Variants in PDE1C observed in about 807,000 individuals in gnomAD.
PDE1C encodes the protein dual specificity calcium/calmodulin-dependent 3',5'-cyclic nucleotide phosphodiesterase 1C.
A neutral mutation model predicts 93.1 loss-of-function variants in PDE1C; 62 were observed. The observed-to-expected ratio is 0.67, with a 90% confidence interval of 0.54 to 0.82. The LOEUF (loss-of-function observed/expected upper bound fraction) is 0.82. Among genes scored for constraint, PDE1C ranks in the 40% least tolerant of loss-of-function variants. The pLI, the probability that PDE1C is intolerant of heterozygous loss-of-function variation, is 0.00. For missense variants in PDE1C, 742 were observed against 884.6 expected, an observed-to-expected ratio of 0.84 and a Z score of 2.04; for synonymous variants, 325 against 310.1, an observed-to-expected ratio of 1.05 and a Z score of -0.50.
intron 1 of PDE1C, among the ~76,000 whole-genome samples, chr7:32,307,949 T>C (rs1454638080): frequency 6.6e-6 from 1 of 152,212 alleles, no homozygotes; most frequent in African/African-American, 2.4e-5. Context: ...ACTTGGGAAG[T>C]GCAAGGGGTC....
rs376162871 is a variant in PDE1C at position 32,374,249 on chromosome 7, AG to A, written c.310+53572del. Among the ~76,000 whole-genome samples the A allele has an allele frequency of 2.7e-3, 375 of 136,728 alleles. 1 individual carries two copies. Among genetic ancestry groups the A allele is most frequent in the African/African-American group, 9.7e-3 (355 of 36,578 alleles). 89.7% of individuals were successfully genotyped at this position (136,728 alleles called of 152,430 possible). Reference sequence around the variant, plus strand: ...GAAAGAAAAAGAAAGAAGGAAGGAAAGGAAAGGAAGAAAGAAAGAAAGAAAG... The same window carrying A: ...GAAAGAAAAAGAAAGAAGGAAGGAAAGAAAGGAAGAAAGAAAGAAAGAAAG... On this transcript the variant is annotated intron_variant, in intron 1 of 1. Coordinates refer to the PDE1C transcript ENST00000672256.
intron 16 of PDE1C, among the ~76,000 whole-genome samples, chr7:31,807,503 A>C (rs535515516): frequency 6.6e-6 from 1 of 152,120 alleles, no homozygotes; most frequent in African/African-American, 2.4e-5. Flanking sequence ...GATAAAATAT[A>C]ATCCACAATG....
intron 2 of PDE1C, among the ~76,000 whole-genome samples, chr7:31,932,697 C>T (rs1804485008): frequency 6.6e-6 from 1 of 152,128 alleles, no homozygotes; most frequent in Non-Finnish European, 1.5e-5. Flanking sequence ...CCATTTGATC[C>T]AGCAATCCCA....
At chr7:32,086,789 A>T (rs1425862908) in intron 3 of PDE1C, among the ~76,000 whole-genome samples, 2 of 152,218 alleles carry the variant, frequency 1.3e-5, no homozygotes, top group Non-Finnish European at 2.9e-5. Flanking sequence ...TGCTGGGAAA[A>T]CTGGCTAGCC....
chr7:32,281,330 T>C (rs2128892326), intron 1 of PDE1C, among the ~76,000 whole-genome samples: 1 of 152,346 alleles, frequency 6.6e-6, no homozygotes, highest in African/African-American at 2.4e-5. Context: ...AAATGCCTAT[T>C]TGCAAACTGT....
At chr7:32,196,812 G>A (rs1312625263) in intron 2 of PDE1C, among the ~76,000 whole-genome samples, 1 of 152,166 alleles carries the variant, frequency 6.6e-6, no homozygotes, top group Non-Finnish European at 1.5e-5. Flanking sequence ...AAAGTAGAAT[G>A]ATCTGAATAA....
intron 3 of PDE1C, 52 bp from the exon 4 acceptor site, chr7:31,879,230 C>T (rs757965814): frequency 1.3e-6 from 2 of 1,553,190 alleles, no homozygotes; most frequent in Non-Finnish European, 1.8e-6. Context: ...GAAGTTGGAG[C>T]TCTCTGTTCA....
intron 1 of PDE1C, among the ~76,000 whole-genome samples, chr7:32,425,646 T>C (rs1331411937): frequency 6.6e-6 from 1 of 152,110 alleles, no homozygotes; most frequent in East Asian, 1.9e-4. Flanking sequence ...TATCCAAATC[T>C]CCTGCCCAAA....
chr7:31,627,460 C>G, the PDE1C span, among the ~76,000 whole-genome samples: 2 of 152,008 alleles, frequency 1.3e-5, no homozygotes, highest in South Asian at 4.1e-4. Context: ...GAGTTCAAGA[C>G]CAGCCTGGGC....
intron 2 of PDE1C, among the ~76,000 whole-genome samples, chr7:32,024,997 A>G (rs1363974715): frequency 6.6e-6 from 1 of 152,126 alleles, no homozygotes; most frequent in Non-Finnish European, 1.5e-5. Flanking sequence ...GGGGCTTAAA[A>G]TGGAACACTC....
rs1794019465 is a variant in PDE1C, at chr7:32,055,933, T to A, written c.102-4353A>T. On this transcript the variant is annotated intron_variant, in intron 1 of 17. Coordinates refer to ENST00000396191, the MANE Select transcript of PDE1C (RefSeq NM_001191057.4). ...TGGGGTTTCACCATGTTGGCCAGGC[T>A]GGTCTGGAACTCCTGACCTCAAGTG... Among the ~76,000 whole-genome samples the A allele has an allele frequency of 3.9e-5, 6 of 152,340 alleles. No individual in the cohort carries two copies. The South Asian group carries it at 1.2e-3, about 32-fold the overall frequency.
At chr7:31,793,855 T>A (rs971888725) in intron 16 of PDE1C, among the ~76,000 whole-genome samples, 2 of 151,900 alleles carry the variant, frequency 1.3e-5, no homozygotes, top group African/African-American at 4.8e-5. Context: ...GAGCATATTA[T>A]TATAATAGGA....
chr7:31,668,069 C>T, the PDE1C span, among the ~76,000 whole-genome samples: 1 of 152,002 alleles, frequency 6.6e-6, no homozygotes, highest in African/African-American at 2.4e-5. Context: ...ATTATCCCTG[C>T]TCAGTAAATC....
intron 3 of PDE1C, among the ~76,000 whole-genome samples, chr7:32,147,132 T>C (rs1340623188): frequency 6.6e-6 from 1 of 150,752 alleles, no homozygotes; most frequent in African/African-American, 2.4e-5. Flanking sequence ...AGTAAATCAA[T>C]CAGCATACGC....
At position 31,940,356 on chromosome 7, in the gene PDE1C, G is replaced by A. The variant is rs563765801; in HGVS notation, c.129-59496C>T. On this transcript the variant is annotated intron_variant, in intron 2 of 17. Transcript: ENST00000396191. Reference sequence around the variant, plus strand: ...TGAGATGAAAGCAGAGGCAGTAGCTGTAAAAGCAGATGGTCAAGACTTGAG... The same window carrying A: ...TGAGATGAAAGCAGAGGCAGTAGCTATAAAAGCAGATGGTCAAGACTTGAG... 3.3e-5 allele frequency among the ~76,000 whole-genome samples: 5 copies of A among 152,304 alleles called. No individual in the cohort carries two copies. In the South Asian group the frequency reaches 1.0e-3, roughly 32 times the overall value.
the PDE1C span, chr7:31,651,079 A>G: frequency 4.0e-4 from 623 of 1,564,388 alleles, 6 homozygotes; most frequent in South Asian, 5.8e-3. Context: ...AGGCTCCACC[A>G]TGGTGAGCTC....
intron 6 of PDE1C, among the ~76,000 whole-genome samples, chr7:31,872,476 A>G (rs1304553792): frequency 1.3e-5 from 2 of 152,176 alleles, no homozygotes; most frequent in Non-Finnish European, 2.9e-5. Context: ...TATGCGTGTA[A>G]CAAAATATCA....
At chr7:32,211,932 A>G (rs1806062754) in intron 1 of PDE1C, among the ~76,000 whole-genome samples, 1 of 151,130 alleles carries the variant, frequency 6.6e-6, no homozygotes, top group Admixed American at 6.6e-5. Context: ...AAGCTGCAGC[A>G]GAAGGATCAC....
At chr7:32,407,378 T>A (rs1286918355) in intron 1 of PDE1C, among the ~76,000 whole-genome samples, 1 of 152,170 alleles carries the variant, frequency 6.6e-6, no homozygotes, top group Non-Finnish European at 1.5e-5. Context: ...AAGAACAGCC[T>A]CCAATCAAAA....
Sources: allele counts gnomAD v4.1 joint callset (sites outside exome capture counted in the v4.1 genomes callset), GRCh38; gene constraint gnomAD v4.1.1; transcripts MANE v1.5; gene names NCBI Gene and HGNC (gene_info 2026-07-23, HGNC 2026-07-21).